HSPA12A: variants seen among roughly 807,000 people sequenced by gnomAD.
The protein encoded by HSPA12A is heat shock protein family A (Hsp70) member 12A.
A neutral mutation model predicts 69.2 loss-of-function variants in HSPA12A; 28 were observed. The ratio of observed to expected loss-of-function variants is 0.40; its 90% confidence interval spans 0.30 to 0.55. The LOEUF is 0.55. Among genes scored for constraint, HSPA12A ranks in the 20% least tolerant of loss-of-function variants. HSPA12A has a pLI of 0.38. For synonymous variants in HSPA12A, 345 were observed against 370.5 expected (o/e 0.93, Z 0.79); for missense variants, 686 against 900.7 (o/e 0.76, Z 3.05).
At chr10:116,821,817 C>G (rs1040200996) in intron 2 of HSPA12A, among the ~76,000 whole-genome samples, 3 of 152,194 alleles carry the variant, frequency 2.0e-5, no homozygotes, top group African/African-American at 7.2e-5. Context: ...GTCAACCTTC[C>G]CTGTCAGATG....
At chr10:116,751,532 A>G (rs997580257) in intron 2 of HSPA12A, among the ~76,000 whole-genome samples, 5 of 152,190 alleles carry the variant, frequency 3.3e-5, no homozygotes, top group African/African-American at 1.2e-4. Flanking sequence ...GGATCCAGAA[A>G]AGCAGAGAGA....
chr10:116,707,218 C>A lies in HSPA12A; in HGVS notation c.108G>T (p.Leu36=). The A allele has an allele frequency of 6.2e-7, 1 of 1,608,740 alleles. No homozygotes were observed. Among genetic ancestry groups the A allele is most frequent in the Non-Finnish European group, 8.5e-7 (1 of 1,177,358 alleles). ...TTCTTACCACAATATGGGAGGGGGA[C>A]AGAGGCGTTATTCCTGTGTCCCCAA... ...RSLGDTGITP[L]SPSHIVNDTD... The change falls in exon 2 of 12, where the codon CTG becomes CTT. Residue 36 remains leucine, a synonymous_variant. Transcript: ENST00000369209.
intron 8 of HSPA12A, 66 bp from the exon 9 acceptor site, chr10:116,681,322 G>T: frequency 7.6e-7 from 1 of 1,324,394 alleles, no homozygotes; most frequent in Non-Finnish European, 1.1e-6. Context: ...AAGCTTGTGG[G>T]TGGTAACTAG....
At chr10:116,702,431 C>T (rs1348755209) in intron 3 of HSPA12A, among the ~76,000 whole-genome samples, 5 of 152,200 alleles carry the variant, frequency 3.3e-5, no homozygotes, top group African/African-American at 1.2e-4. Flanking sequence ...GACCCCATGA[C>T]ATTAAGCATC....
intron 4 of HSPA12A, among the ~76,000 whole-genome samples, chr10:116,699,171 C>T (rs1197640509): frequency 6.6e-6 from 1 of 152,186 alleles, no homozygotes; most frequent in Non-Finnish European, 1.5e-5. Context: ...CTGCCATCCA[C>T]GATGCTAAAC....
At chr10:116,850,522 A>G (rs1846047736), upstream of HSPA12A, among the ~76,000 whole-genome samples, 2 of 152,058 alleles carry the variant, frequency 1.3e-5, no homozygotes, top group Non-Finnish European at 2.9e-5. Context: ...TAAGGAAGGC[A>G]GTGTGGCTGG....
At chr10:116,782,496 G>A (rs782352975) in intron 2 of HSPA12A, among the ~76,000 whole-genome samples, 2 of 152,132 alleles carry the variant, frequency 1.3e-5, no homozygotes, top group African/African-American at 2.4e-5. Context: ...GCATAGTCCC[G>A]GGTGGAACAT....
chr10:116,758,790 G>T (rs1843904964), intron 2 of HSPA12A, among the ~76,000 whole-genome samples: 1 of 152,144 alleles, frequency 6.6e-6, no homozygotes, highest in South Asian at 2.1e-4. Flanking sequence ...AAGAATTAGA[G>T]AAACTGAATT....
At chr10:116,765,229 T>C (rs571568999) in intron 2 of HSPA12A, among the ~76,000 whole-genome samples, 1 of 152,274 alleles carries the variant, frequency 6.6e-6, no homozygotes, top group Non-Finnish European at 1.5e-5. Flanking sequence ...GGTTTCTAAA[T>C]ACCATTCCCC....
intron 6 of HSPA12A, among the ~76,000 whole-genome samples, chr10:116,690,826 A>T (rs1358880496): frequency 6.6e-6 from 1 of 152,170 alleles, no homozygotes; most frequent in Non-Finnish European, 1.5e-5. Flanking sequence ...GCTATAAATA[A>T]GAATTGACCT....
Position 116,742,538 on chromosome 10 carries a change from G to A in HSPA12A, c.-69C>T. ...CCCGTGCCCGTGCGGGTCTCTGTCC[G>A]CGTCCGCGGCGGCGCTCGGGCCGTG... On this transcript the variant is annotated 5_prime_UTR_variant, in exon 1 of 12. Coordinates refer to ENST00000369209, the MANE Select transcript of HSPA12A (RefSeq NM_025015.3). 7.6e-6 allele frequency: 9 copies of A among 1,188,202 alleles called. No individual in the cohort carries two copies. Among genetic ancestry groups the A allele is most frequent in the Non-Finnish European group, 9.4e-6 (9 of 959,884 alleles). 73.6% of individuals were successfully genotyped at this position (1,188,202 alleles called of 1,614,324 possible).
At chr10:116,742,860 G>T (rs1851562055), upstream of HSPA12A, among the ~76,000 whole-genome samples, 1 of 151,996 alleles carries the variant, frequency 6.6e-6, no homozygotes. Context: ...CTGCGGGAGC[G>T]GATTTCAGGC....
At chr10:116,754,829 A>G (rs1843795358) in intron 2 of HSPA12A, among the ~76,000 whole-genome samples, 1 of 152,268 alleles carries the variant, frequency 6.6e-6, no homozygotes, top group Non-Finnish European at 1.5e-5. Flanking sequence ...TCATACATAC[A>G]TGGATGGAGT....
chr10:116,739,856 C>A (rs1554886799), intron 1 of HSPA12A, among the ~76,000 whole-genome samples: 1 of 152,130 alleles, frequency 6.6e-6, no homozygotes, highest in Non-Finnish European at 1.5e-5. Flanking sequence ...ATTCTTGTTT[C>A]ATTGGCACGC....
At chr10:116,811,417 C>A (rs1423074891) in intron 2 of HSPA12A, among the ~76,000 whole-genome samples, 1 of 152,080 alleles carries the variant, frequency 6.6e-6, no homozygotes, top group Non-Finnish European at 1.5e-5. Context: ...TACACTCAGA[C>A]CCTCCTTGCG....
At chr10:116,741,051 A>T (rs1006551) in intron 1 of HSPA12A, among the ~76,000 whole-genome samples, 7 of 150,478 alleles carry the variant, frequency 4.7e-5, no homozygotes, top group Non-Finnish European at 8.9e-5. Context: ...GCCTGCGTTC[A>T]CCAGCTGAGG....
chr10:116,699,450 G>A (rs555461416), intron 4 of HSPA12A, among the ~76,000 whole-genome samples: 124 of 152,038 alleles, frequency 8.2e-4, no homozygotes, highest in African/African-American at 2.8e-3. Flanking sequence ...AAATCAGGAG[G>A]AAGCCCCCAG....
At chr10:116,699,027 C>T (rs919705834) in intron 4 of HSPA12A, among the ~76,000 whole-genome samples, 1 of 152,180 alleles carries the variant, frequency 6.6e-6, no homozygotes, top group African/African-American at 2.4e-5. Flanking sequence ...GTTTCAGGGG[C>T]AACAGTAGAA....
intron 2 of HSPA12A, among the ~76,000 whole-genome samples, chr10:116,799,045 G>A (rs116671100): frequency 0.027 from 4,067 of 152,180 alleles, 193 homozygotes; most frequent in African/African-American, 0.092. Flanking sequence ...TGGGCCCCCT[G>A]CCACCCTTGG....
Sources: gnomAD v4.1 joint callset for allele counts (sites outside exome capture counted in the v4.1 genomes callset) on GRCh38, gnomAD v4.1.1 for gene constraint, MANE v1.5 for transcripts, NCBI Gene and HGNC (gene_info 2026-07-23, HGNC 2026-07-21) for gene names.